GDPD4: variants seen among roughly 807,000 people sequenced by gnomAD.
The protein encoded by GDPD4 is glycerophosphodiester phosphodiesterase 6.
Under a neutral mutation model 67.8 loss-of-function variants are expected in GDPD4, and 60 were observed. The observed-to-expected ratio is 0.88, with a 90% CI of 0.72 to 1.10. The LOEUF (loss-of-function observed/expected upper bound fraction) is 1.10. Among genes scored for constraint, GDPD4 ranks in the 50% least tolerant of loss-of-function variants. GDPD4 has a pLI of 0.00. For synonymous variants in GDPD4, 212 were observed against 210.9 expected, an observed-to-expected ratio of 1.00 and a Z score of -0.04; for missense variants, 623 against 613.9, an observed-to-expected ratio of 1.01 and a Z score of -0.16.
intron 16 of GDPD4, among the ~76,000 whole-genome samples, chr11:77,225,799 A>G (rs896948165): frequency 6.6e-6 from 1 of 152,226 alleles, no homozygotes; most frequent in Non-Finnish European, 1.5e-5. Context: ...ATGGGGCAAC[A>G]CATGGCACTC....
chr11:77,279,217 C>A, intron 4 of GDPD4, 89 bp downstream of exon 4: 1 of 776,090 alleles, frequency 1.3e-6, no homozygotes, highest in East Asian at 2.5e-5. Flanking sequence ...CTGAGAGTCC[C>A]CAGTACCAAC....
intron 13 of GDPD4, among the ~76,000 whole-genome samples, chr11:77,239,786 C>A (rs1046068093): frequency 6.6e-6 from 1 of 151,860 alleles, no homozygotes; most frequent in Non-Finnish European, 1.5e-5. Flanking sequence ...CATGGGGAAA[C>A]CTGGTCTCTA....
At chr11:77,249,261 T>C (rs1958841104) in intron 11 of GDPD4, among the ~76,000 whole-genome samples, 1 of 100,980 alleles carries the variant, frequency 9.9e-6, no homozygotes, top group African/African-American at 3.9e-5. Context: ...CGAGACTCCA[T>C]CTCAAAAAAA....
Position 77,229,628 on chromosome 11 carries a change from G to A in GDPD4, c.1390-396C>T, listed in dbSNP as rs562551349. Among the ~76,000 whole-genome samples the A allele has an allele frequency of 2.6e-5, 4 of 152,278 alleles. No individual in the cohort carries two copies. The East Asian group carries it at 5.8e-4, about 22-fold the overall frequency. On this transcript the variant is annotated intron_variant, in intron 14 of 16. Coordinates refer to ENST00000315938, the MANE Select transcript of GDPD4 (RefSeq NM_182833.3). Reference sequence around the variant, plus strand: ...ACCTGGCTGTGCAGCCAAGTCTCCCGGGGCAGCTTTTAGTAATACAGGTTT... The same window carrying A: ...ACCTGGCTGTGCAGCCAAGTCTCCCAGGGCAGCTTTTAGTAATACAGGTTT...
chr11:77,295,925 G>T (rs1021920503), intron 1 of GDPD4, among the ~76,000 whole-genome samples: 1 of 152,048 alleles, frequency 6.6e-6, no homozygotes, highest in African/African-American at 2.4e-5. Flanking sequence ...CTAAATAAGG[G>T]TGAATTTTAG....
chr11:77,260,306 C>CA (rs201298947), intron 10 of GDPD4, among the ~76,000 whole-genome samples: 30 of 109,072 alleles, frequency 2.8e-4, no homozygotes, highest in East Asian at 1.5e-3. Flanking sequence ...AACTCCATCT[C>CA]AGAAAAAAAA....
chr11:77,217,798 G>A (rs993977394), intron 16 of GDPD4, among the ~76,000 whole-genome samples: 1 of 152,122 alleles, frequency 6.6e-6, no homozygotes, highest in South Asian at 2.1e-4. Context: ...ATGGAGCTAG[G>A]AGATCAAGAC....
rs151187537 is a variant in GDPD4 at position 77,261,856 on chromosome 11, T to C, written c.708-3314A>G. On this transcript the variant is annotated intron_variant, in intron 10 of 16. Coordinates refer to ENST00000315938, the MANE Select transcript of GDPD4 (RefSeq NM_182833.3). ...ACACCCAAATTGTGGTATGCTGACATGCTGAAATAAAGAAGGCTGTTAGGC... is the reference window on the plus strand; with the variant it reads ...ACACCCAAATTGTGGTATGCTGACACGCTGAAATAAAGAAGGCTGTTAGGC... Among the ~76,000 whole-genome samples, 103 of 152,348 alleles carry C rather than the reference T, an allele frequency of 6.8e-4. No individual in the cohort carries two copies. The East Asian group carries it at 0.018, about 27-fold the overall frequency.
intron 11 of GDPD4, among the ~76,000 whole-genome samples, chr11:77,249,116 A>G (rs1310328811): frequency 6.6e-6 from 1 of 151,054 alleles, no homozygotes; most frequent in Non-Finnish European, 1.5e-5. Context: ...AATACAAAAA[A>G]TTAGCTGGGC....
At chr11:77,218,574 G>A (rs1345559925) in intron 16 of GDPD4, among the ~76,000 whole-genome samples, 1 of 152,134 alleles carries the variant, frequency 6.6e-6, no homozygotes, top group Non-Finnish European at 1.5e-5. Flanking sequence ...GGTGTGTGAT[G>A]TTCCCTGCCC....
At chr11:77,278,447 T>C (rs1484264090) in intron 4 of GDPD4, among the ~76,000 whole-genome samples, 1 of 152,258 alleles carries the variant, frequency 6.6e-6, no homozygotes, top group African/African-American at 2.4e-5. Flanking sequence ...GGAATAGTTA[T>C]AACTTATATC....
At chr11:77,240,334 A>C (rs7121483) in intron 13 of GDPD4, among the ~76,000 whole-genome samples, 41,399 of 152,106 alleles carry the variant, frequency 0.27, 6,688 homozygotes, top group South Asian at 0.45. Flanking sequence ...TGTAAATTCA[A>C]ATCGTTATAG....
intron 13 of GDPD4, among the ~76,000 whole-genome samples, chr11:77,235,843 C>T (rs552399866): frequency 4.9e-4 from 74 of 152,090 alleles, no homozygotes; most frequent in Admixed American, 1.9e-3. Context: ...ATAGTCCTAA[C>T]TACTGTGGAG....
intron 16 of GDPD4, among the ~76,000 whole-genome samples, chr11:77,219,346 G>A (rs113632041): frequency 0.022 from 3,369 of 152,258 alleles, 134 homozygotes; most frequent in African/African-American, 0.076. Context: ...TGTTCACTCC[G>A]ATGGCAGTTT....
chr11:77,266,878 G>C (rs1959180674), intron 10 of GDPD4, among the ~76,000 whole-genome samples: 2 of 152,188 alleles, frequency 1.3e-5, no homozygotes, highest in Non-Finnish European at 2.9e-5. Flanking sequence ...GTTACAATAA[G>C]CTGGAGTTAA....
intron 15 of GDPD4, among the ~76,000 whole-genome samples, chr11:77,228,317 T>C: frequency 6.9e-6 from 1 of 144,738 alleles, no homozygotes; most frequent in Non-Finnish European, 1.5e-5. Flanking sequence ...ACCAATATGG[T>C]GAAACCCCAC....
At chr11:77,243,934 C>CTCTATGGGG in intron 12 of GDPD4, 86 bp from the exon 13 acceptor site, 8 of 852,468 alleles carry the variant, frequency 9.4e-6, no homozygotes, top group Non-Finnish European at 1.3e-5. Flanking sequence ...GAGCTCCATT[C>CTCTATGGGG]CAGCACAGGT....
chr11:77,270,873 G>T (rs945847837), intron 7 of GDPD4: 3 of 432,996 alleles, frequency 6.9e-6, no homozygotes, highest in East Asian at 4.6e-5. Flanking sequence ...ATAATGTAGA[G>T]AAAGATCTTA....
intron 10 of GDPD4, among the ~76,000 whole-genome samples, chr11:77,265,591 CACA>C (rs955616152): frequency 1.4e-4 from 22 of 152,132 alleles, no homozygotes; most frequent in African/African-American, 5.1e-4. Context: ...ACTATACTAT[CACA>C]ACAAGGAAAC....
Sources: gnomAD v4.1 joint callset for allele counts (sites outside exome capture counted in the v4.1 genomes callset) on GRCh38, gnomAD v4.1.1 for gene constraint, MANE v1.5 for transcripts, NCBI Gene and HGNC (gene_info 2026-07-23, HGNC 2026-07-21) for gene names.